The following CHST11 variants were observed in gnomAD, a reference collection of about 807,000 sequenced individuals.
The protein encoded by CHST11 is carbohydrate sulfotransferase 11.
CHST11 carries 9 observed loss-of-function variants against 30.4 expected under a neutral mutation model. The ratio of observed to expected loss-of-function variants is 0.30; its 90% confidence interval spans 0.18 to 0.52. The LOEUF is 0.52. Among genes scored for constraint, CHST11 ranks in the 20% least tolerant of loss-of-function variants. The pLI is 0.97. For synonymous variants in CHST11, 152 were observed against 187.8 expected (o/e 0.81, Z 1.56); for missense variants, 348 against 460.6 (o/e 0.76, Z 2.24).
chr12:104,759,112 C>T lies in CHST11; in HGVS notation c.*1309C>T, dbSNP rs535912915. On this transcript the variant is annotated 3_prime_UTR_variant, in exon 3 of 3. Coordinates refer to ENST00000303694, the MANE Select transcript of CHST11 (RefSeq NM_018413.6). ...GTGAAATGCCAAGGTGAGACTCGTA[C>T]ACTTGGGGATTTGCAATGGTTTTTA... The T allele has an allele frequency of 6.6e-6, 1 of 152,174 alleles. No homozygotes were observed. The highest frequency in any genetic ancestry group is 2.4e-5 in the African/African-American group (1 of 41,418). The allele number at this position is 152,174 out of a possible 1,614,324, so 9.4% of individuals were successfully genotyped here.
chr12:104,494,162 C>T (rs1316524855), intron 1 of CHST11, among the ~76,000 whole-genome samples: 1 of 152,188 alleles, frequency 6.6e-6, no homozygotes, highest in East Asian at 1.9e-4. Flanking sequence ...GTCACGAGGA[C>T]TTGGGACTAC....
Position 104,611,391 on chromosome 12 carries a change from G to A in CHST11, c.204+9400G>A, listed in dbSNP as rs144473213. Among the ~76,000 whole-genome samples, 599 of 152,326 alleles carry A rather than the reference G, an allele frequency of 3.9e-3. 5 individuals are homozygous for A. The highest frequency in any genetic ancestry group is 0.013 in the African/African-American group (550 of 41,566). ...CTGCTGTCTTGGACAGTGCTGGTCT[G>A]TAAAATGCCCCGTTGTCCCTGCATC... On this transcript the variant is annotated intron_variant, in intron 2 of 2. Coordinates refer to ENST00000303694, the MANE Select transcript of CHST11 (RefSeq NM_018413.6).
chr12:104,478,383 C>A (rs1313376617), intron 1 of CHST11, among the ~76,000 whole-genome samples: 1 of 152,160 alleles, frequency 6.6e-6, no homozygotes, highest in African/African-American at 2.4e-5. Flanking sequence ...CACGTGAATG[C>A]AGTGCCAGCA....
rs2039772097 is a variant in CHST11 at position 104,679,355 on chromosome 12, G to A, written c.204+77364G>A. On this transcript the variant is annotated intron_variant, in intron 2 of 2. Coordinates refer to ENST00000303694, the MANE Select transcript of CHST11 (RefSeq NM_018413.6). ...GCGAAGGGAGACCGAGGGCATATAC[G>A]TTTGTCTGTAAACCCGTTGGGAGGG... is the stretch of plus-strand genomic sequence containing the variant. Among the ~76,000 whole-genome samples the A allele has an allele frequency of 2.6e-5, 4 of 152,194 alleles. No homozygotes were observed. In the South Asian group the frequency reaches 8.3e-4, roughly 32 times the overall value.
intron 2 of CHST11, among the ~76,000 whole-genome samples, chr12:104,617,144 G>C (rs1780150091): frequency 6.6e-6 from 1 of 152,274 alleles, no homozygotes; most frequent in South Asian, 2.1e-4. Context: ...ATGTGGCATT[G>C]AACGGGTGCC....
intron 2 of CHST11, among the ~76,000 whole-genome samples, chr12:104,687,673 T>G (rs138272462): frequency 6.6e-6 from 1 of 151,950 alleles, no homozygotes; most frequent in South Asian, 2.1e-4. Context: ...GTACTACGAG[T>G]TGAAATGAGA....
intron 2 of CHST11, among the ~76,000 whole-genome samples, chr12:104,608,189 A>G (rs987969101): frequency 6.6e-6 from 1 of 152,030 alleles, no homozygotes; most frequent in Non-Finnish European, 1.5e-5. Flanking sequence ...AGCACCCCCT[A>G]CTCCCTGGTA....
Position 104,682,411 on chromosome 12 carries a change from T to C in CHST11, c.205-74538T>C, listed in dbSNP as rs553176244. On this transcript the variant is annotated intron_variant, in intron 2 of 2. Transcript: ENST00000303694. The stretch of plus-strand genomic sequence containing the variant: ...AGCACACAAAAGAAAAGATCAGTAA[T>C]ATTCTATAAGCTTTGACCTGCCTGA... Among the ~76,000 whole-genome samples the C allele has an allele frequency of 5.9e-5, 9 of 152,338 alleles. No individual in the cohort carries two copies. The East Asian group carries it at 1.2e-3, about 20-fold the overall frequency.
At chr12:104,666,066 C>T (rs1360904317) in intron 2 of CHST11, among the ~76,000 whole-genome samples, 1 of 152,038 alleles carries the variant, frequency 6.6e-6, no homozygotes. Flanking sequence ...GATTCGCCCG[C>T]CTCGGCCTCC....
At chr12:104,501,114 TA>T (rs1189019844) in intron 1 of CHST11, among the ~76,000 whole-genome samples, 1 of 152,262 alleles carries the variant, frequency 6.6e-6, no homozygotes, top group Non-Finnish European at 1.5e-5. Flanking sequence ...TTCTGCCTTA[TA>T]AAAAAGTGGA....
intron 1 of CHST11, among the ~76,000 whole-genome samples, chr12:104,471,200 A>T (rs1447926603): frequency 6.6e-6 from 1 of 152,140 alleles, no homozygotes. Context: ...AATATTACTC[A>T]TTCTGATACA....
intron 1 of CHST11, among the ~76,000 whole-genome samples, chr12:104,593,457 T>C (rs1387559799): frequency 6.6e-6 from 1 of 152,230 alleles, no homozygotes; most frequent in African/African-American, 2.4e-5. Flanking sequence ...AACCCTATTT[T>C]CACCTCACTG....
chr12:104,643,160 A>G lies in CHST11; in HGVS notation c.204+41169A>G, dbSNP rs569747224. Among the ~76,000 whole-genome samples the G allele has an allele frequency of 3.3e-5, 5 of 152,028 alleles. No individual in the cohort carries two copies. In the East Asian group the frequency reaches 9.7e-4, roughly 29 times the overall value. ...GCAACATAGTGAGACCCCTGTCTCTACAAAAAAATTAAAAAATTAGCTGGG... is the reference window on the plus strand; with the variant it reads ...GCAACATAGTGAGACCCCTGTCTCTGCAAAAAAATTAAAAAATTAGCTGGG... On this transcript the variant is annotated intron_variant, in intron 2 of 2. Transcript: ENST00000303694.
chr12:104,519,269 ACTTC>A (rs2038055089), intron 1 of CHST11, among the ~76,000 whole-genome samples: 1 of 152,174 alleles, frequency 6.6e-6, no homozygotes, highest in African/African-American at 2.4e-5. Context: ...TCAATTACAG[ACTTC>A]CTTTAAGGAA....
At chr12:104,691,360 T>G (rs1027075150) in intron 2 of CHST11, among the ~76,000 whole-genome samples, 4 of 151,950 alleles carry the variant, frequency 2.6e-5, no homozygotes, top group African/African-American at 9.7e-5. Flanking sequence ...GTTCATCCAC[T>G]GTTAGATGAG....
intron 1 of CHST11, among the ~76,000 whole-genome samples, chr12:104,555,973 G>A (rs1266767511): frequency 6.6e-6 from 1 of 152,184 alleles, no homozygotes; most frequent in African/African-American, 2.4e-5. Context: ...ATCAGGTGGT[G>A]GGAGGGGCAG....
intron 2 of CHST11, among the ~76,000 whole-genome samples, chr12:104,666,788 A>C (rs996581939): frequency 2.6e-5 from 4 of 152,218 alleles, no homozygotes; most frequent in Non-Finnish European, 5.9e-5. Context: ...CAGGTACCTC[A>C]TCAGAGAGGC....
intron 2 of CHST11, among the ~76,000 whole-genome samples, chr12:104,669,720 G>A (rs774122973): frequency 9.2e-5 from 14 of 152,314 alleles, no homozygotes; most frequent in Non-Finnish European, 1.5e-4. Flanking sequence ...CCTGGACACC[G>A]TTCTCAGCTT....
intron 2 of CHST11, among the ~76,000 whole-genome samples, chr12:104,669,177 G>A (rs566395314): frequency 1.3e-5 from 2 of 152,236 alleles, no homozygotes; most frequent in African/African-American, 4.8e-5. Flanking sequence ...ATGTTCCCGG[G>A]CAGCCAGAGC....
Sources: allele counts gnomAD v4.1 joint callset (sites outside exome capture counted in the v4.1 genomes callset), GRCh38; gene constraint gnomAD v4.1.1; transcripts MANE v1.5; gene names NCBI Gene and HGNC (gene_info 2026-07-23, HGNC 2026-07-21).